Variants in RTN4RL1 observed in about 807,000 individuals in gnomAD.
RTN4RL1 encodes the protein reticulon 4 receptor like 1, also known as reticulon-4 receptor-like 1.
A neutral mutation model predicts 25.6 loss-of-function variants in RTN4RL1; 7 were observed. The ratio of observed to expected loss-of-function variants is 0.27; its 90% CI spans 0.16 to 0.51. The LOEUF (loss-of-function observed/expected upper bound fraction) is 0.51. Ranked by LOEUF, RTN4RL1 falls within the 20% of genes least tolerant of loss-of-function variation. The probability of loss-of-function intolerance (pLI) is 0.97; values close to 1 mark genes in which losing one functional copy is unlikely to be tolerated. For missense variants in RTN4RL1, 500 were observed against 615.6 expected, an observed-to-expected ratio of 0.81 and a Z score of 1.99; for synonymous variants, 297 against 288.2, an observed-to-expected ratio of 1.03 and a Z score of -0.31.
intron 1 of RTN4RL1, among the ~76,000 whole-genome samples, chr17:2,005,236 G>A (rs113832729): frequency 0.011 from 1,665 of 152,050 alleles, 29 homozygotes; most frequent in African/African-American, 0.038. Context: ...CAAACTCCTG[G>A]GCTCAAGTGA....
chr17:2,004,885 G>A (rs188535031), intron 1 of RTN4RL1, among the ~76,000 whole-genome samples: 9 of 152,330 alleles, frequency 5.9e-5, no homozygotes, highest in East Asian at 5.8e-4. Context: ...AGCTAAGGCC[G>A]GCACATGGAG....
rs148949658 is a variant in RTN4RL1 at position 1,959,544 on chromosome 17, T to C, written c.14-21736A>G. 5.7e-3 allele frequency among the ~76,000 whole-genome samples: 865 copies of C among 152,208 alleles called. 10 individuals carry two copies. The highest frequency in any genetic ancestry group is 0.02 in the African/African-American group (817 of 41,534). ...AGTCACACCTGTCCCCAGGTGAGCT[T>C]GTCCAGGCCCAAGTCTTTGTTTTGT... On this transcript the variant is annotated intron_variant, in intron 1 of 1. Transcript: ENST00000331238.
chr17:1,959,088 C>T (rs1487882251), intron 1 of RTN4RL1, among the ~76,000 whole-genome samples: 1 of 152,246 alleles, frequency 6.6e-6, no homozygotes, highest in Non-Finnish European at 1.5e-5. Context: ...CGGCCTCCAC[C>T]TGACAATGGC....
chr17:1,946,314 A>C (rs2151305942), intron 1 of RTN4RL1, among the ~76,000 whole-genome samples: 1 of 152,374 alleles, frequency 6.6e-6, no homozygotes, highest in East Asian at 1.9e-4. Context: ...AGGGGCACAC[A>C]GGCAGGCACA....
chr17:2,021,281 C>T (rs1021408375), intron 1 of RTN4RL1, among the ~76,000 whole-genome samples: 6 of 152,176 alleles, frequency 3.9e-5, no homozygotes, highest in Non-Finnish European at 5.9e-5. Context: ...CCGCCTTCCT[C>T]CTCCTCTGGG....
At chr17:2,012,285 C>A (rs1014552253) in intron 1 of RTN4RL1, among the ~76,000 whole-genome samples, 3 of 152,242 alleles carry the variant, frequency 2.0e-5, no homozygotes, top group Non-Finnish European at 4.4e-5. Context: ...TGCTGGGCAT[C>A]CTCTGTGGTC....
chr17:1,962,592 T>C (rs1296999489), intron 1 of RTN4RL1, among the ~76,000 whole-genome samples: 5 of 151,322 alleles, frequency 3.3e-5, no homozygotes, highest in Non-Finnish European at 7.4e-5. Flanking sequence ...AGGCCAGGGG[T>C]GGTGGCTCAC....
At chr17:1,971,251 T>C (rs1351847910) in intron 1 of RTN4RL1, among the ~76,000 whole-genome samples, 1 of 152,206 alleles carries the variant, frequency 6.6e-6, no homozygotes, top group Admixed American at 6.6e-5. Context: ...CTCCTTCACA[T>C]GCTCTCTCTC....
Position 1,937,472 on chromosome 17 carries a change from G to A in RTN4RL1, c.350C>T (p.Ala117Val). 6.2e-7 allele frequency: 1 copy of A among 1,613,944 alleles called. No individual in the cohort carries two copies. The highest frequency in any genetic ancestry group is 8.5e-7 in the Non-Finnish European group (1 of 1,179,888). ...LGDNRQLRTL[A>V]PETFQGLVKL... ...CACCAGGCCCTGGAAGGTCTCGGGT[G>A]CCAGCGTCCGCAGCTGCCGGTTGTC... is the stretch of plus-strand genomic sequence containing the variant. Residue 117 changes from alanine (A) to valine (V), a missense_variant, in exon 2 of 2, where the codon GCA (alanine) becomes GTA (valine). Physicochemically the swap from Ala to Val is moderately conservative, Grantham distance 64. Around this residue, in one of 2 missense-constraint regions of RTN4RL1, gnomAD observed 232 missense variants for 341.1 expected, o/e 0.68. Transcript: ENST00000331238.
chr17:2,020,928 T>C (rs1454342757), intron 1 of RTN4RL1, among the ~76,000 whole-genome samples: 1 of 152,202 alleles, frequency 6.6e-6, no homozygotes, highest in Non-Finnish European at 1.5e-5. Flanking sequence ...CGGGCCGCCC[T>C]TCCTTCCTGG....
At position 1,939,117 on chromosome 17, in the gene RTN4RL1, C is replaced by T. The variant is rs910293346; in HGVS notation, c.14-1309G>A. On this transcript the variant is annotated intron_variant, in intron 1 of 1. Transcript: ENST00000331238. Reference sequence around the variant, plus strand: ...CCTGTAGTCTCAGCACTTTGGGAGGCCGAGGCGGGCGGATCACGAGGTCAG... The same window carrying T: ...CCTGTAGTCTCAGCACTTTGGGAGGTCGAGGCGGGCGGATCACGAGGTCAG... Among the ~76,000 whole-genome samples the T allele has an allele frequency of 2.4e-4, 36 of 151,966 alleles. 1 individual carries two copies. In the South Asian group the frequency reaches 6.0e-3, roughly 25 times the overall value.
chr17:1,948,227 AG>A (rs559579232), intron 1 of RTN4RL1, among the ~76,000 whole-genome samples: 62 of 152,322 alleles, frequency 4.1e-4, no homozygotes, highest in African/African-American at 1.5e-3. Flanking sequence ...CCATCGAGCC[AG>A]CCCCACCTGG....
At chr17:1,946,697 T>G (rs1915551731) in intron 1 of RTN4RL1, among the ~76,000 whole-genome samples, 1 of 149,270 alleles carries the variant, frequency 6.7e-6, no homozygotes, top group South Asian at 2.1e-4. Context: ...TGAATGTGTG[T>G]GTGCACGGGG....
chr17:1,988,714 G>T (rs1338843260), intron 1 of RTN4RL1, among the ~76,000 whole-genome samples: 2 of 152,106 alleles, frequency 1.3e-5, no homozygotes, highest in African/African-American at 4.8e-5. Flanking sequence ...ATAACTGGGG[G>T]ACCTGACCTC....
At chr17:1,974,064 A>G (rs530120134) in intron 1 of RTN4RL1, among the ~76,000 whole-genome samples, 9 of 139,482 alleles carry the variant, frequency 6.5e-5, no homozygotes, top group African/African-American at 2.4e-4. Flanking sequence ...AAAAAAAGCT[A>G]TCCTTAGGAG....
chr17:1,956,327 C>T (rs1379560391), intron 1 of RTN4RL1, among the ~76,000 whole-genome samples: 1 of 151,872 alleles, frequency 6.6e-6, no homozygotes, highest in Non-Finnish European at 1.5e-5. Context: ...ATGAGAACTG[C>T]GGGGTTTCCC....
intron 1 of RTN4RL1, among the ~76,000 whole-genome samples, chr17:1,963,761 C>T (rs575731219): frequency 2.3e-4 from 35 of 152,124 alleles, no homozygotes; most frequent in Non-Finnish European, 3.7e-4. Flanking sequence ...GAGACAGTTT[C>T]GCTCTTGTTG....
At chr17:1,966,875 G>A (rs1413542782) in intron 1 of RTN4RL1, among the ~76,000 whole-genome samples, 1 of 152,076 alleles carries the variant, frequency 6.6e-6, no homozygotes, top group Non-Finnish European at 1.5e-5. Flanking sequence ...CTCCCTCACT[G>A]CCTTCAGGGG....
At chr17:1,965,779 C>G (rs1383869596) in intron 1 of RTN4RL1, among the ~76,000 whole-genome samples, 1 of 152,184 alleles carries the variant, frequency 6.6e-6, no homozygotes, top group Non-Finnish European at 1.5e-5. Flanking sequence ...CTGTCCAGCC[C>G]ATTTTTGCGG....
Sources: allele counts gnomAD v4.1 joint callset (sites outside exome capture counted in the v4.1 genomes callset), GRCh38; gene constraint gnomAD v4.1.1; regional missense constraint gnomAD v4.1.1; transcripts MANE v1.5; gene names NCBI Gene and HGNC (gene_info 2026-07-23, HGNC 2026-07-21).